The following MTAP variants were observed in gnomAD, a reference collection of about 807,000 sequenced individuals.
MTAP encodes S-methyl-5'-thioadenosine phosphorylase.
A neutral mutation model predicts 33.6 loss-of-function variants in MTAP; 33 were observed. That is an observed-to-expected ratio of 0.98 (90% CI 0.74 to 1.31). The LOEUF (loss-of-function observed/expected upper bound fraction) is 1.31, where lower values mean the gene tolerates loss of function less well. Ranked by LOEUF, MTAP falls within the 40% of genes most tolerant of loss-of-function variation. The pLI is 0.00. For synonymous variants in MTAP, 148 were observed against 125.7 expected, an observed-to-expected ratio of 1.18 and a Z score of -1.19; for missense variants, 367 against 360.0, an observed-to-expected ratio of 1.02 and a Z score of -0.16.
intron 1 of MTAP, chr9:21,893,624 T>C (rs983145238): frequency 6.6e-6 from 1 of 152,126 alleles, no homozygotes; most frequent in African/African-American, 2.4e-5. Context: ...TGAACACTTC[T>C]GTGCACATAA....
intron 7 of MTAP, 142 bp downstream of exon 7, chr9:21,859,567 C>T: frequency 3.5e-6 from 3 of 855,380 alleles, no homozygotes; most frequent in Non-Finnish European, 5.1e-6. Flanking sequence ...CTACTACTAC[C>T]ATACCAACCA....
intron 1 of MTAP, among the ~76,000 whole-genome samples, chr9:21,907,874 C>G (rs570314603): frequency 6.6e-6 from 1 of 152,170 alleles, no homozygotes; most frequent in African/African-American, 2.4e-5. Context: ...ATGCAAGTCT[C>G]AAATAATAGA....
chr9:21,818,172 A>T lies in MTAP; in HGVS notation c.317A>T (p.Asp106Val). The T allele has an allele frequency of 1.2e-6, 2 of 1,613,988 alleles. No homozygotes were observed. Among genetic ancestry groups the T allele is most frequent in the Non-Finnish European group, 1.7e-6 (2 of 1,179,994 alleles). The change falls in exon 4 of 8, where the codon GAT becomes GTT. Residue 106 changes from aspartate (D) to valine (V), a missense_variant. Asp to Val is a radical substitution (Grantham distance 152). Coordinates refer to ENST00000644715, the MANE Select transcript of MTAP (RefSeq NM_002451.4). ...TTGAGGGAGGAGATTCAGCCCGGCG[A>T]TATTGTCATTATTGATCAGTTCATT... is the stretch of plus-strand genomic sequence containing the variant. ...GSLREEIQPG[D>V]IVIIDQFIDR...
chr9:21,893,925 A>G (rs1818240695), intron 1 of MTAP: 1 of 124,928 alleles, frequency 8.0e-6, no homozygotes, highest in African/African-American at 3.7e-5. Context: ...CATCATTCTG[A>G]TACACACACA....
intron 4 of MTAP, among the ~76,000 whole-genome samples, chr9:21,828,416 G>A (rs997800329): frequency 6.6e-6 from 1 of 152,158 alleles, no homozygotes; most frequent in Non-Finnish European, 1.5e-5. Context: ...GCTCACGCCT[G>A]TAATCCCAAC....
At chr9:21,859,185 A>G in intron 6 of MTAP, 118 bp from the exon 7 acceptor site, 2 of 1,437,694 alleles carry the variant, frequency 1.4e-6, no homozygotes, top group Non-Finnish European at 1.9e-6. Context: ...GTTTCAGCAG[A>G]TAAATTTGAG....
intron 5 of MTAP, among the ~76,000 whole-genome samples, chr9:21,848,197 C>G (rs1654078809): frequency 1.3e-5 from 2 of 152,160 alleles, no homozygotes; most frequent in Admixed American, 6.5e-5. Context: ...GGAGCCACCC[C>G]TAAGACTCCC....
downstream of MTAP, among the ~76,000 whole-genome samples, chr9:21,867,295 A>G (rs1344735737): frequency 1.3e-5 from 2 of 152,164 alleles, no homozygotes; most frequent in East Asian, 3.8e-4. Flanking sequence ...TTTCACTATT[A>G]AAATATGTTA....
chr9:21,847,656 T>C (rs559160693), intron 5 of MTAP, among the ~76,000 whole-genome samples: 3 of 152,178 alleles, frequency 2.0e-5, no homozygotes, highest in Non-Finnish European at 4.4e-5. Context: ...ATAATGAAGC[T>C]GGTTGGTTGC....
chr9:21,861,942 A>G (rs1292611197), intron 7 of MTAP, 34 bp from the exon 8 acceptor site: 2 of 1,222,974 alleles, frequency 1.6e-6, no homozygotes, highest in South Asian at 1.2e-5. Context: ...TTACGCCAAC[A>G]TGTGAATATC....
intron 1 of MTAP, among the ~76,000 whole-genome samples, chr9:21,924,925 C>T (rs1009349267): frequency 2.0e-5 from 3 of 152,250 alleles, no homozygotes; most frequent in Non-Finnish European, 4.4e-5. Flanking sequence ...AACATTTGAA[C>T]TCACTTGGAG....
intron 1 of MTAP, chr9:21,813,843 G>C (rs1417899152): frequency 6.6e-6 from 1 of 152,246 alleles, no homozygotes. Context: ...TGAAGGATAA[G>C]ATGGAGAAGC....
chr9:21,891,578 C>A (rs1818201356), intron 1 of MTAP, among the ~76,000 whole-genome samples: 1 of 151,906 alleles, frequency 6.6e-6, no homozygotes, highest in African/African-American at 2.4e-5. Flanking sequence ...TCAACTCAGA[C>A]AAAAATAAAA....
chr9:21,882,986 TAAG>T (rs904796986), intron 1 of MTAP, among the ~76,000 whole-genome samples: 44 of 151,504 alleles, frequency 2.9e-4, no homozygotes, highest in Admixed American at 9.9e-4. Flanking sequence ...GAAAAAAAAT[TAAG>T]AAGTGAGGCC....
intron 4 of MTAP, among the ~76,000 whole-genome samples, chr9:21,825,223 C>G (rs1411204703): frequency 6.6e-6 from 1 of 152,282 alleles, no homozygotes; most frequent in South Asian, 2.1e-4. Context: ...GGAGCTGTTC[C>G]TATTAGGCCA....
intron 5 of MTAP, among the ~76,000 whole-genome samples, chr9:21,853,797 A>G (rs1158362612): frequency 6.6e-6 from 1 of 152,234 alleles, no homozygotes; most frequent in Non-Finnish European, 1.5e-5. Context: ...TTCTCAATTT[A>G]CACTTGAGAA....
rs1445590286 is a variant in MTAP, at chr9:21,862,489, A to C, written c.*475A>C. 6.5e-6 allele frequency: 1 copy of C among 153,082 alleles called. No individual in the cohort carries two copies. The highest frequency in any genetic ancestry group is 1.5e-5 in the Non-Finnish European group (1 of 68,724). The allele number at this position is 153,082 out of a possible 1,614,324, so 9.5% of individuals were successfully genotyped here. A position where few individuals can be genotyped will look rare whatever the true frequency, so the allele number is the denominator to read the frequency against. ...ACGTACTTTGTGCTGGGAACTCTAC[A>C]TCTAGCAATTTCTCTTTAAAACCAT... On this transcript the variant is annotated 3_prime_UTR_variant, in exon 8 of 8. Coordinates refer to ENST00000644715, the MANE Select transcript of MTAP (RefSeq NM_002451.4).
intron 4 of MTAP, among the ~76,000 whole-genome samples, chr9:21,837,066 G>C (rs901748688): frequency 6.6e-6 from 1 of 152,166 alleles, no homozygotes; most frequent in African/African-American, 2.4e-5. Flanking sequence ...AAAGTGGCTT[G>C]TTCTGAAAAC....
At chr9:21,940,935 T>G, downstream of MTAP, 1 of 920,354 alleles carries the variant, frequency 1.1e-6, no homozygotes, top group Non-Finnish European at 1.3e-6. Flanking sequence ...TGGAAAGGGG[T>G]GCTAAAAGTT....
Sources: gnomAD v4.1 joint callset for allele counts (sites outside exome capture counted in the v4.1 genomes callset) on GRCh38, gnomAD v4.1.1 for gene constraint, MANE v1.5 for transcripts, NCBI Gene and HGNC (gene_info 2026-07-23, HGNC 2026-07-21) for gene names.